Variants in PAK5 observed in about 807,000 individuals in gnomAD.
The protein encoded by PAK5 is serine/threonine-protein kinase PAK 5.
A neutral mutation model predicts 65.9 loss-of-function variants in PAK5; 16 were observed. The ratio of observed to expected loss-of-function variants is 0.24; its 90% CI spans 0.16 to 0.37. PAK5 has a LOEUF of 0.37. Ranked by LOEUF, PAK5 falls within the 10% of genes least tolerant of loss-of-function variation. PAK5 has a pLI of 1.00. For synonymous variants in PAK5, 371 were observed against 354.9 expected (o/e 1.05, Z -0.51); for missense variants, 785 against 903.9 (o/e 0.87, Z 1.69).
At chr20:9,812,315 C>T (rs1241485919) in intron 1 of PAK5, among the ~76,000 whole-genome samples, 1 of 150,720 alleles carries the variant, frequency 6.6e-6, no homozygotes, top group East Asian at 1.9e-4. Context: ...TTAAAATCAA[C>T]ACAAAATTTG....
chr20:9,661,225 T>C (rs1214016623), intron 2 of PAK5, among the ~76,000 whole-genome samples: 1 of 152,172 alleles, frequency 6.6e-6, no homozygotes, highest in African/African-American at 2.4e-5. Flanking sequence ...TTTCCAGGTA[T>C]ATTCATTTTC....
intron 3 of PAK5, among the ~76,000 whole-genome samples, chr20:9,600,582 A>T (rs2046342199): frequency 6.6e-6 from 1 of 152,216 alleles, no homozygotes; most frequent in Non-Finnish European, 1.5e-5. Context: ...TGTTACACAG[A>T]CTTATTTGTC....
chr20:9,822,290 C>CAA lies in PAK5; in HGVS notation c.-162+16470_-162+16471dup, dbSNP rs34256527. 4.2e-3 allele frequency among the ~76,000 whole-genome samples: 488 copies of CAA among 116,658 alleles called. 1 individual carries two copies. The highest frequency in any genetic ancestry group is 6.0e-3 in the Non-Finnish European group (336 of 56,112). The allele number at this position is 116,658 out of a possible 152,430, so 76.5% of individuals were successfully genotyped here. On this transcript the variant is annotated intron_variant, in intron 1 of 9. Transcript: ENST00000353224. ...GGTAACAACAGAGTGAGATCTGTCT[C>CAA]AAAAAAAAAAAAAAAAAAGCAATTA...
intron 2 of PAK5, among the ~76,000 whole-genome samples, chr20:9,658,373 A>T (rs1180532409): frequency 6.6e-6 from 1 of 152,164 alleles, no homozygotes; most frequent in African/African-American, 2.4e-5. Context: ...ATGGACTCTC[A>T]TCTTTCAGCA....
chr20:9,836,893 G>A (rs996474948), intron 1 of PAK5, among the ~76,000 whole-genome samples: 2 of 152,128 alleles, frequency 1.3e-5, no homozygotes, highest in South Asian at 2.1e-4. Flanking sequence ...CTGAGGCTTA[G>A]GAAAGTTAAA....
rs71331383 is a variant in PAK5, at chr20:9,799,939, C to CAAA, written c.-162+38820_-162+38822dup. Among the ~76,000 whole-genome samples, 71 of 43,640 alleles carry CAAA rather than the reference C, an allele frequency of 1.6e-3. 2 individuals carry two copies. The highest frequency in any genetic ancestry group is 4.3e-3 in the South Asian group (5 of 1,176). 28.6% of individuals were successfully genotyped at this position (43,640 alleles called of 152,430 possible). A position where few individuals can be genotyped will look rare whatever the true frequency, so the allele number is the denominator to read the frequency against. The stretch of plus-strand genomic sequence containing the variant: ...CTGTAATAGAGTGAGACTCTGTCTC[C>CAAA]AAAAAAAAAAAAAAAAAAAAAAAAA... On this transcript the variant is annotated intron_variant, in intron 1 of 9. Coordinates refer to ENST00000353224, the MANE Select transcript of PAK5 (RefSeq NM_177990.4).
At chr20:9,697,297 G>T (rs190564033) in intron 2 of PAK5, among the ~76,000 whole-genome samples, 1 of 152,176 alleles carries the variant, frequency 6.6e-6, no homozygotes, top group African/African-American at 2.4e-5. Flanking sequence ...TGAAACAATA[G>T]ATTTTATCCT....
At chr20:9,775,740 C>A (rs1330718043) in intron 1 of PAK5, among the ~76,000 whole-genome samples, 4 of 152,108 alleles carry the variant, frequency 2.6e-5, no homozygotes, top group African/African-American at 9.7e-5. Context: ...GGGTAACATA[C>A]TTTTCTTTTA....
intron 2 of PAK5, among the ~76,000 whole-genome samples, chr20:9,676,196 A>G (rs1318735387): frequency 6.6e-6 from 1 of 152,150 alleles, no homozygotes; most frequent in Non-Finnish European, 1.5e-5. Flanking sequence ...TCACAAGAAC[A>G]GCACGGGAAG....
intron 1 of PAK5, among the ~76,000 whole-genome samples, chr20:9,765,179 T>C (rs1370430419): frequency 6.6e-6 from 1 of 152,152 alleles, no homozygotes; most frequent in African/African-American, 2.4e-5. Flanking sequence ...TCTTGACCTG[T>C]AGTGGAGTTT....
At chr20:9,796,419 G>A (rs925061426) in intron 1 of PAK5, among the ~76,000 whole-genome samples, 2 of 152,106 alleles carry the variant, frequency 1.3e-5, no homozygotes, top group Non-Finnish European at 2.9e-5. Context: ...GGCCCCAAGA[G>A]AGACTTTGCT....
intron 3 of PAK5, among the ~76,000 whole-genome samples, chr20:9,640,985 C>T (rs2047051035): frequency 1.3e-5 from 2 of 152,202 alleles, no homozygotes; most frequent in South Asian, 4.1e-4. Context: ...GCTGCCAATG[C>T]TGGCTCGGGC....
At chr20:9,743,392 A>C (rs368857628) in intron 1 of PAK5, among the ~76,000 whole-genome samples, 977 of 22,670 alleles carry the variant, frequency 0.043, 13 homozygotes, top group African/African-American at 0.11. Context: ...CAAACAAGCC[A>C]AAAAAAAACA....
intron 3 of PAK5, among the ~76,000 whole-genome samples, chr20:9,637,518 A>G (rs973379544): frequency 4.6e-5 from 7 of 152,304 alleles, no homozygotes; most frequent in African/African-American, 1.4e-4. Context: ...TTTTCACCAT[A>G]GGCCCAAGAA....
chr20:9,737,131 T>C lies in PAK5; in HGVS notation c.-161-25696A>G, dbSNP rs927000747. Among the ~76,000 whole-genome samples the C allele has an allele frequency of 9.2e-4, 139 of 150,548 alleles. 2 individuals are homozygous for C. Among genetic ancestry groups the C allele is most frequent in the African/African-American group, 3.3e-3 (134 of 41,146 alleles). ...CCTGATGGAACAAATAGAAAAGACATAGCAAGGTGATGGACATAAACTGAA... is the reference window on the plus strand; with the variant it reads ...CCTGATGGAACAAATAGAAAAGACACAGCAAGGTGATGGACATAAACTGAA... On this transcript the variant is annotated intron_variant, in intron 1 of 9. Coordinates refer to ENST00000353224, the MANE Select transcript of PAK5 (RefSeq NM_177990.4).
intron 1 of PAK5, among the ~76,000 whole-genome samples, chr20:9,739,626 C>A (rs2048429531): frequency 1.3e-5 from 2 of 152,048 alleles, no homozygotes; most frequent in South Asian, 4.2e-4. Context: ...TCGATATGAA[C>A]CTGTACCTCT....
intron 1 of PAK5, chr20:9,818,925 T>A (rs1450243401): frequency 1.3e-5 from 2 of 152,164 alleles, no homozygotes; most frequent in Non-Finnish European, 2.9e-5. Flanking sequence ...ATAGTAGCTA[T>A]CAAAGTTACT....
chr20:9,719,417 C>T (rs1231174839), intron 1 of PAK5, among the ~76,000 whole-genome samples: 5 of 152,078 alleles, frequency 3.3e-5, no homozygotes, highest in African/African-American at 1.2e-4. Context: ...TCACCTTTTC[C>T]TACAGGAAAA....
chr20:9,642,615 G>A (rs1444009751), intron 3 of PAK5, among the ~76,000 whole-genome samples: 2 of 151,962 alleles, frequency 1.3e-5, no homozygotes, highest in African/African-American at 2.4e-5. Flanking sequence ...TTAAAGATAT[G>A]GTCCACCTTA....
Sources: gnomAD v4.1 joint callset for allele counts (sites outside exome capture counted in the v4.1 genomes callset) on GRCh38, gnomAD v4.1.1 for gene constraint, MANE v1.5 for transcripts, NCBI Gene and HGNC (gene_info 2026-07-23, HGNC 2026-07-21) for gene names.